Variants in THRB observed in about 807,000 individuals in gnomAD.
The protein encoded by THRB is nuclear receptor subfamily 1 group A member 2.
Under a neutral mutation model 47.8 loss-of-function variants are expected in THRB, and 12 were observed. The ratio of observed to expected loss-of-function variants is 0.25; its 90% CI spans 0.16 to 0.41. The LOEUF (loss-of-function observed/expected upper bound fraction) is 0.41, where lower values mean the gene tolerates loss of function less well. Ranked by LOEUF, THRB falls within the 10% of genes least tolerant of loss-of-function variation. The probability of loss-of-function intolerance (pLI) is 1.00; values close to 1 mark genes in which losing one functional copy is unlikely to be tolerated. For synonymous variants in THRB, 218 were observed against 212.2 expected, an observed-to-expected ratio of 1.03 and a Z score of -0.24; for missense variants, 348 against 589.2, an observed-to-expected ratio of 0.59 and a Z score of 4.24.
intron 1 of THRB, among the ~76,000 whole-genome samples, chr3:24,357,546 C>T (rs2063776068): frequency 6.6e-6 from 1 of 151,878 alleles, no homozygotes; most frequent in Admixed American, 6.6e-5. Context: ...AGAAATGTTC[C>T]TGGCATACAC....
At chr3:24,455,616 C>T (rs1206165421) in intron 1 of THRB, among the ~76,000 whole-genome samples, 1 of 152,174 alleles carries the variant, frequency 6.6e-6, no homozygotes, top group Admixed American at 6.5e-5. Context: ...AAGCATTTGA[C>T]CTCAAAAATA....
chr3:24,192,025 T>G lies in THRB; in HGVS notation c.23-1691A>C, dbSNP rs577010222. Among the ~76,000 whole-genome samples the G allele has an allele frequency of 2.0e-5, 3 of 152,318 alleles. 1 individual carries two copies. The East Asian group carries it at 5.8e-4, about 29-fold the overall frequency. The stretch of plus-strand genomic sequence containing the variant: ...GTGCTAAGCATTGTATTAGGCACAT[T>G]ATATAAACATAGATTCTTCCTTTTC... On this transcript the variant is annotated intron_variant, in intron 4 of 10. Transcript: ENST00000646209.
chr3:24,480,981 T>G (rs2125868681), intron 1 of THRB, among the ~76,000 whole-genome samples: 1 of 152,286 alleles, frequency 6.6e-6, no homozygotes, highest in Middle Eastern at 3.4e-3. Flanking sequence ...CTGCAGAAAT[T>G]TGAACCTGTC....
At chr3:24,197,222 A>G (rs2149683838) in intron 4 of THRB, among the ~76,000 whole-genome samples, 1 of 152,360 alleles carries the variant, frequency 6.6e-6, no homozygotes, top group South Asian at 2.1e-4. Flanking sequence ...GTCTGCTAGG[A>G]GGACTCATCA....
intron 4 of THRB, among the ~76,000 whole-genome samples, chr3:24,218,199 C>T (rs954463025): frequency 1.3e-5 from 2 of 151,808 alleles, no homozygotes; most frequent in Admixed American, 6.6e-5. Flanking sequence ...ACCCAGGAGA[C>T]GGAGCTTGCA....
intron 1 of THRB, among the ~76,000 whole-genome samples, chr3:24,349,172 A>C (rs1047199255): frequency 3.3e-5 from 5 of 152,134 alleles, no homozygotes; most frequent in Non-Finnish European, 5.9e-5. Flanking sequence ...CAAGACTTCT[A>C]AATGGGAAAC....
intron 4 of THRB, among the ~76,000 whole-genome samples, chr3:24,214,705 G>T (rs7615674): frequency 0.034 from 5,138 of 152,160 alleles, 276 homozygotes; most frequent in African/African-American, 0.12. Flanking sequence ...CTGCCCTTCT[G>T]GTCCTCAGGA....
intron 3 of THRB, among the ~76,000 whole-genome samples, chr3:24,266,659 G>T (rs1235965056): frequency 2.0e-5 from 3 of 152,196 alleles, no homozygotes; most frequent in Admixed American, 6.5e-5. Flanking sequence ...AGCCAGCCAA[G>T]CCCAGGTCCC....
chr3:24,131,982 C>T (rs561515896), intron 9 of THRB, among the ~76,000 whole-genome samples: 4 of 152,228 alleles, frequency 2.6e-5, no homozygotes, highest in Non-Finnish European at 5.9e-5. Flanking sequence ...CCGAAGCCCA[C>T]TTTCCTGTCC....
At chr3:24,384,418 A>G (rs1410833129) in intron 1 of THRB, among the ~76,000 whole-genome samples, 2 of 152,178 alleles carry the variant, frequency 1.3e-5, no homozygotes, top group African/African-American at 4.8e-5. Flanking sequence ...ATGAAGTGTT[A>G]TAAGAAATCA....
chr3:24,265,891 T>C (rs983123087), intron 3 of THRB, among the ~76,000 whole-genome samples: 6 of 152,146 alleles, frequency 3.9e-5, no homozygotes, highest in Admixed American at 2.6e-4. Flanking sequence ...AACCCAATTT[T>C]TAAGAACTAT....
At chr3:24,347,999 A>T (rs1487868485) in intron 1 of THRB, among the ~76,000 whole-genome samples, 1 of 152,180 alleles carries the variant, frequency 6.6e-6, no homozygotes, top group African/African-American at 2.4e-5. Flanking sequence ...AGGCCAGCAT[A>T]GTCTTGATCC....
intron 1 of THRB, among the ~76,000 whole-genome samples, chr3:24,393,943 A>AAGGG (rs2066765292): frequency 6.6e-6 from 1 of 152,144 alleles, no homozygotes; most frequent in African/African-American, 2.4e-5. Flanking sequence ...TTGGTATTGA[A>AAGGG]AGGGAGGGAG....
intron 4 of THRB, among the ~76,000 whole-genome samples, chr3:24,201,099 T>C (rs1008739701): frequency 7.9e-5 from 12 of 152,234 alleles, no homozygotes; most frequent in African/African-American, 2.4e-4. Flanking sequence ...ATGGGTCAAA[T>C]TGCTTGGTGT....
At position 24,229,005 on chromosome 3, in the gene THRB, C is replaced by A. The variant is rs1418917986; in HGVS notation, c.-42-4G>T. The A allele has an allele frequency of 3.3e-6, 5 of 1,524,760 alleles. No individual in the cohort carries two copies. The highest frequency in any genetic ancestry group is 4.5e-6 in the Non-Finnish European group (5 of 1,117,458). The allele number at this position is 1,524,760 out of a possible 1,614,324, so 94.5% of individuals were successfully genotyped here. A position where few individuals can be genotyped will look rare whatever the true frequency, so the allele number is the denominator to read the frequency against. On this transcript the variant is annotated splice_region_variant and splice_polypyrimidine_tract_variant and intron_variant, in intron 3 of 10. Coordinates refer to ENST00000646209, the MANE Select transcript of THRB (RefSeq NM_001354712.2). The stretch of plus-strand genomic sequence containing the variant: ...TCCCTTTTTTCACTGACATCTCCTA[C>A]AAGGAAAAAATACAAAAAAAATCAC...
chr3:24,427,844 G>T (rs765524729), intron 1 of THRB, among the ~76,000 whole-genome samples: 1 of 152,056 alleles, frequency 6.6e-6, no homozygotes, highest in Admixed American at 6.6e-5. Flanking sequence ...AAGAAGATTT[G>T]GTTAGTCTTA....
Position 24,278,337 on chromosome 3 carries a change from G to C in THRB, c.-43+18889C>G, listed in dbSNP as rs73148340. ...AAAGAAATGAGAAATAATTTGAACA[G>C]TGTTAAAATTGGTAAGACTTGCTGA... On this transcript the variant is annotated intron_variant, in intron 3 of 10. Transcript: ENST00000646209. Among the ~76,000 whole-genome samples the C allele has an allele frequency of 1.1e-3, 164 of 152,286 alleles. 1 individual carries two copies. The highest frequency in any genetic ancestry group is 3.8e-3 in the African/African-American group (157 of 41,562).
At chr3:24,380,532 C>T (rs1452032398) in intron 1 of THRB, among the ~76,000 whole-genome samples, 2 of 152,118 alleles carry the variant, frequency 1.3e-5, no homozygotes, top group Non-Finnish European at 2.9e-5. Flanking sequence ...TCACTTTTCA[C>T]AACAGCCCTA....
intron 3 of THRB, among the ~76,000 whole-genome samples, chr3:24,275,435 C>T (rs191527938): frequency 6.6e-6 from 1 of 152,138 alleles, no homozygotes; most frequent in Admixed American, 6.5e-5. Context: ...TTTGAGGGGC[C>T]AGCCTACAGT....
Sources: allele counts gnomAD v4.1 joint callset (sites outside exome capture counted in the v4.1 genomes callset), GRCh38; gene constraint gnomAD v4.1.1; transcripts MANE v1.5; gene names NCBI Gene and HGNC (gene_info 2026-07-23, HGNC 2026-07-21).